Variants in BCL7A observed in about 807,000 individuals in gnomAD.
The protein encoded by BCL7A is B-cell CLL/lymphoma 7 protein family member A.
Under a neutral mutation model 28.4 loss-of-function variants are expected in BCL7A, and 11 were observed. The observed-to-expected ratio is 0.39, with a 90% CI of 0.24 to 0.64. The LOEUF (loss-of-function observed/expected upper bound fraction) is 0.64, where lower values mean the gene tolerates loss of function less well. BCL7A is among the 30% of genes least tolerant of loss of function. The probability of loss-of-function intolerance (pLI) is 0.50; values close to 1 mark genes in which losing one functional copy is unlikely to be tolerated. For missense variants in BCL7A, 222 were observed against 274.8 expected (o/e 0.81, Z 1.36); for synonymous variants, 123 against 103.3 (o/e 1.19, Z -1.15).
intron 1 of BCL7A, among the ~76,000 whole-genome samples, chr12:122,023,997 A>T (rs1593020300): frequency 6.6e-6 from 1 of 152,182 alleles, no homozygotes; most frequent in Non-Finnish European, 1.5e-5. Context: ...AGGCTCCTGC[A>T]CCCTGACAGC....
chr12:122,024,290 T>C (rs549936680), intron 1 of BCL7A, among the ~76,000 whole-genome samples: 1 of 152,200 alleles, frequency 6.6e-6, no homozygotes, highest in African/African-American at 2.4e-5. Flanking sequence ...GTCACTTCTC[T>C]AACCATGGTG....
intron 2 of BCL7A, among the ~76,000 whole-genome samples, chr12:122,034,237 ATATATATC>A (rs1883803824): frequency 2.1e-5 from 2 of 96,556 alleles, no homozygotes; most frequent in African/African-American, 4.7e-5. Flanking sequence ...ATATATATAT[ATATATATC>A]TTGGCGATAT....
intron 1 of BCL7A, among the ~76,000 whole-genome samples, chr12:122,023,463 T>G (rs1593019903): frequency 6.6e-6 from 1 of 152,188 alleles, no homozygotes; most frequent in South Asian, 2.1e-4. Flanking sequence ...GGTGTGGCGG[T>G]GTCACAAGTT....
chr12:122,046,926 C>T (rs1452616034), intron 4 of BCL7A, among the ~76,000 whole-genome samples: 2 of 147,390 alleles, frequency 1.4e-5, no homozygotes, highest in East Asian at 2.0e-4. Flanking sequence ...TTTTTCCAGA[C>T]GGAGTCTTGC....
At chr12:122,043,079 C>T (rs925248136) in intron 3 of BCL7A, among the ~76,000 whole-genome samples, 6 of 151,882 alleles carry the variant, frequency 4.0e-5, no homozygotes, top group Admixed American at 3.9e-4. Context: ...TATGCCACCT[C>T]CCGCTGTCTC....
intron 3 of BCL7A, among the ~76,000 whole-genome samples, chr12:122,037,809 C>T (rs893553573): frequency 1.3e-5 from 2 of 151,730 alleles, no homozygotes; most frequent in African/African-American, 4.8e-5. Context: ...ATTAGCCAGG[C>T]GTGGGGGCGC....
chr12:122,041,696 C>T (rs756389822), intron 3 of BCL7A, among the ~76,000 whole-genome samples: 5 of 152,200 alleles, frequency 3.3e-5, no homozygotes, highest in Admixed American at 1.3e-4. Flanking sequence ...CCTAGGAGTT[C>T]GAGGCTGCAG....
intron 2 of BCL7A, among the ~76,000 whole-genome samples, chr12:122,034,907 G>T (rs928121619): frequency 6.6e-6 from 1 of 152,164 alleles, no homozygotes; most frequent in Non-Finnish European, 1.5e-5. Context: ...GCCCCAGGGG[G>T]CCTGCAGCTG....
rs759876907 is a variant in BCL7A at position 122,061,601 on chromosome 12, A to T, written c.*2438A>T. ...TCGCCCTCCCCCCACCACAGAATCT[A>T]AGACCTTTCAGCTTCGAGCCAGGGG... On this transcript the variant is annotated 3_prime_UTR_variant, in exon 6 of 6. Coordinates refer to ENST00000261822, the MANE Select transcript of BCL7A (RefSeq NM_001024808.3). 2.7e-4 allele frequency: 41 copies of T among 152,182 alleles called. No homozygotes were observed. The highest frequency in any genetic ancestry group is 4.3e-4 in the Non-Finnish European group (33 of 76,462). 9.4% of individuals were successfully genotyped at this position (152,182 alleles called of 1,614,324 possible).
rs1391984102 is a variant in BCL7A at position 122,054,890 on chromosome 12, C to G, written c.525C>G (p.Asp175Glu). 3 of 1,614,188 alleles carry G rather than the reference C, an allele frequency of 1.9e-6. No individual in the cohort carries two copies. The highest frequency in any genetic ancestry group is 1.7e-5 in the Admixed American group (1 of 60,024). The change falls in exon 5 of 6, where the codon GAC (aspartate) becomes GAG (glutamate). Residue 175 changes from aspartate (D) to glutamate (E), a missense_variant. Around this residue, in one of 2 missense-constraint regions of BCL7A, gnomAD observed 155 missense variants for 145.7 expected, o/e 1.06. Coordinates refer to ENST00000261822, the MANE Select transcript of BCL7A (RefSeq NM_001024808.3). ...SEKVDRQPSG[D>E]SGLAAETSAI... Reference sequence around the variant, plus strand: ...AAGTAGATCGGCAGCCGTCTGGAGACTCGGGTCTGGCCGCAGAGACGTCTG... The same window carrying G: ...AAGTAGATCGGCAGCCGTCTGGAGAGTCGGGTCTGGCCGCAGAGACGTCTG...
Position 122,029,902 on chromosome 12 carries a change from G to C in BCL7A, c.93-798G>C, listed in dbSNP as rs1226298394. The stretch of plus-strand genomic sequence containing the variant: ...GCAGAGTGGTGGTGGTGGAGGAGAG[G>C]GTGGGCATTGTTATCTCGAATGAAA... On this transcript the variant is annotated intron_variant, in intron 1 of 5. Transcript: ENST00000261822. The surrounding 1 kb of genome is among the most constrained non-coding windows in gnomAD (Gnocchi z 4.3). 6.6e-6 allele frequency among the ~76,000 whole-genome samples: 1 copy of C among 152,130 alleles called. No individual in the cohort carries two copies. The highest frequency in any genetic ancestry group is 1.5e-5 in the Non-Finnish European group (1 of 68,016).
At chr12:122,049,583 G>T (rs959131566) in intron 4 of BCL7A, among the ~76,000 whole-genome samples, 8 of 152,278 alleles carry the variant, frequency 5.3e-5, no homozygotes, top group African/African-American at 1.9e-4. Flanking sequence ...TTGGGAGGCT[G>T]AGACAGGAGA....
intron 1 of BCL7A, among the ~76,000 whole-genome samples, chr12:122,026,931 C>T (rs537997845): frequency 2.0e-5 from 3 of 152,302 alleles, no homozygotes; most frequent in African/African-American, 7.2e-5. Flanking sequence ...TGGGGAGGAG[C>T]AGTTGGGGCT....
intron 4 of BCL7A, among the ~76,000 whole-genome samples, chr12:122,053,964 C>T (rs1282072241): frequency 1.3e-5 from 2 of 152,138 alleles, no homozygotes; most frequent in African/African-American, 4.8e-5. Context: ...GGAATTAATC[C>T]TCTAAAACAT....
intron 1 of BCL7A, among the ~76,000 whole-genome samples, chr12:122,024,462 G>GTTT (rs59459424): frequency 1.1e-5 from 1 of 88,680 alleles, no homozygotes; most frequent in African/African-American, 4.0e-5. Flanking sequence ...GAGGTTTTTT[G>GTTT]TTTTTTTTTT....
intron 1 of BCL7A, among the ~76,000 whole-genome samples, chr12:122,023,589 T>C (rs1442411531): frequency 1.3e-5 from 2 of 152,316 alleles, no homozygotes; most frequent in African/African-American, 4.8e-5. Flanking sequence ...TGCCCGGCCG[T>C]GGGCTGGGTT....
At position 122,059,778 on chromosome 12, in the gene BCL7A, G is replaced by A. The variant is rs945974982; in HGVS notation, c.*615G>A. The A allele has an allele frequency of 1.7e-4, 40 of 231,886 alleles. No homozygotes were observed. Among genetic ancestry groups the A allele is most frequent in the Non-Finnish European group, 2.7e-4 (32 of 117,334 alleles). 14.4% of individuals were successfully genotyped at this position (231,886 alleles called of 1,614,324 possible). The stretch of plus-strand genomic sequence containing the variant: ...AGCCCACCTGGTTTGCAGGTGCAGG[G>A]GGACCTTAGGCACGCCCCAAGCACC... On this transcript the variant is annotated 3_prime_UTR_variant, in exon 6 of 6. Coordinates refer to ENST00000261822, the MANE Select transcript of BCL7A (RefSeq NM_001024808.3). The surrounding 1 kb of genome is among the most constrained non-coding windows in gnomAD (Gnocchi z 4.0).
intron 4 of BCL7A, among the ~76,000 whole-genome samples, chr12:122,047,927 G>A (rs1284361632): frequency 7.4e-6 from 1 of 135,900 alleles, no homozygotes; most frequent in Non-Finnish European, 1.6e-5. Flanking sequence ...TTTTGAGACG[G>A]AGTTTCGCTC....
chr12:122,036,314 T>C (rs1489742958), intron 3 of BCL7A, among the ~76,000 whole-genome samples: 3 of 152,124 alleles, frequency 2.0e-5, no homozygotes, highest in Non-Finnish European at 4.4e-5. Flanking sequence ...GGAGGGTCGC[T>C]TGAGCCCAGG....
Sources: allele counts gnomAD v4.1 joint callset (sites outside exome capture counted in the v4.1 genomes callset), GRCh38; gene constraint gnomAD v4.1.1; regional missense constraint gnomAD v4.1.1; non-coding constraint Gnocchi (gnomAD v3.1); transcripts MANE v1.5; gene names NCBI Gene and HGNC (gene_info 2026-07-23, HGNC 2026-07-21).